PHF24: variants seen among roughly 807,000 people sequenced by gnomAD.
PHF24 encodes the protein Galpha inhibitory interacting protein.
In PHF24, 25 loss-of-function variants were observed where a neutral mutation model predicts 42.6. The observed-to-expected ratio is 0.59, with a 90% confidence interval of 0.43 to 0.82. PHF24 has a LOEUF of 0.82. PHF24 is among the 40% of genes least tolerant of loss of function. PHF24 has a pLI of 0.00. For synonymous variants in PHF24, 185 were observed against 204.8 expected, an observed-to-expected ratio of 0.90 and a Z score of 0.83; for missense variants, 470 against 538.1, an observed-to-expected ratio of 0.87 and a Z score of 1.25.
the PHF24 span, among the ~76,000 whole-genome samples, chr9:34,762,196 A>C: frequency 3.9e-5 from 6 of 151,930 alleles, no homozygotes; most frequent in Admixed American, 2.6e-4. Context: ...ATTTATAGTC[A>C]TTTGGGTATA....
At chr9:34,795,235 CCCTGTCTTTAAA>C in the PHF24 span, among the ~76,000 whole-genome samples, 201 of 151,556 alleles carry the variant, frequency 1.3e-3, no homozygotes, top group African/African-American at 4.7e-3. Context: ...CAGAGCAAGA[CCCTGTCTTTAAA>C]AGAGAGAGAG....
chr9:34,889,693 A>C, the PHF24 span: 1 of 398,244 alleles, frequency 2.5e-6, no homozygotes. Flanking sequence ...TGCAACTCTT[A>C]GCCCTAGAAA....
the PHF24 span, among the ~76,000 whole-genome samples, chr9:34,717,928 C>T: frequency 5.0e-4 from 76 of 152,258 alleles, no homozygotes; most frequent in African/African-American, 1.7e-3. Flanking sequence ...CTGAGTGGCA[C>T]GGTTGACTTT....
chr9:34,927,427 C>T, the PHF24 span, among the ~76,000 whole-genome samples: 1 of 152,054 alleles, frequency 6.6e-6, no homozygotes, highest in Non-Finnish European at 1.5e-5. Context: ...CAGCTTGGCC[C>T]ACAGGGAGTG....
At chr9:34,723,526 G>A in the PHF24 span, 23 of 1,551,778 alleles carry the variant, frequency 1.5e-5, no homozygotes, top group East Asian at 2.4e-4. Flanking sequence ...CCTTCGCAGC[G>A]GCTGAGAACA....
chr9:34,682,425 T>C, the PHF24 span, among the ~76,000 whole-genome samples: 1 of 152,206 alleles, frequency 6.6e-6, no homozygotes, highest in East Asian at 1.9e-4. Flanking sequence ...AGGCTCTGAG[T>C]TGTCTGTCTT....
the PHF24 span, chr9:34,709,452 A>G: frequency 1.2e-6 from 2 of 1,613,110 alleles, no homozygotes; most frequent in Non-Finnish European, 8.5e-7. Flanking sequence ...GAGGGGTGTG[A>G]GGGGCTGACT....
the PHF24 span, among the ~76,000 whole-genome samples, chr9:34,752,470 T>C: frequency 6.6e-6 from 1 of 152,076 alleles, no homozygotes. Context: ...ACAAACAACT[T>C]ACCAACACTG....
chr9:34,935,738 G>C, the PHF24 span, among the ~76,000 whole-genome samples: 4 of 134,438 alleles, frequency 3.0e-5, no homozygotes, highest in African/African-American at 1.1e-4. Flanking sequence ...TTGTGTGTGG[G>C]GGGGGGGTGT....
At chr9:34,747,953 T>C in the PHF24 span, among the ~76,000 whole-genome samples, 1 of 152,172 alleles carries the variant, frequency 6.6e-6, no homozygotes, top group African/African-American at 2.4e-5. Flanking sequence ...ATTCATATAA[T>C]GAAATGCTAA....
At chr9:34,911,254 T>C in the PHF24 span, among the ~76,000 whole-genome samples, 2 of 151,934 alleles carry the variant, frequency 1.3e-5, no homozygotes, top group Non-Finnish European at 2.9e-5. Flanking sequence ...TCTTTTCTTT[T>C]TCTTTTTCTT....
At chr9:34,729,293 G>C in the PHF24 span, 1 of 1,552,010 alleles carries the variant, frequency 6.4e-7, no homozygotes, top group Non-Finnish European at 8.7e-7. Flanking sequence ...CCCGGCAGCA[G>C]CTCCTTTTAG....
At chr9:34,821,969 A>T in the PHF24 span, among the ~76,000 whole-genome samples, 1 of 152,194 alleles carries the variant, frequency 6.6e-6, no homozygotes, top group Non-Finnish European at 1.5e-5. Context: ...CCTAGTGGTT[A>T]TGCTTCCTTA....
At chr9:34,715,298 G>A in the PHF24 span, among the ~76,000 whole-genome samples, 12 of 152,236 alleles carry the variant, frequency 7.9e-5, no homozygotes, top group African/African-American at 1.9e-4. Flanking sequence ...AAGAGAGTGA[G>A]GAGCTCGGAT....
At chr9:34,897,214 C>G in the PHF24 span, among the ~76,000 whole-genome samples, 3 of 152,164 alleles carry the variant, frequency 2.0e-5, no homozygotes, top group Non-Finnish European at 4.4e-5. Flanking sequence ...AGCATTAGTT[C>G]CTCCACCAGA....
At chr9:34,976,577 A>G in exon 5 of PHF24, 1 of 1,614,108 alleles carries the variant, frequency 6.2e-7, no homozygotes, top group Non-Finnish European at 8.5e-7. Flanking sequence ...TACCGCCACC[A>G]AGCAGCCAAG....
the PHF24 span, among the ~76,000 whole-genome samples, chr9:34,795,658 A>G: frequency 1.3e-5 from 2 of 152,204 alleles, no homozygotes; most frequent in East Asian, 1.9e-4. Context: ...ATATTACCCA[A>G]TGTCATGACT....
chr9:34,846,353 T>C, the PHF24 span, among the ~76,000 whole-genome samples: 2 of 151,934 alleles, frequency 1.3e-5, no homozygotes, highest in Non-Finnish European at 3.0e-5. Context: ...TGGCCAGTGA[T>C]GGTGAGCATT....
At chr9:34,822,333 G>T in the PHF24 span, among the ~76,000 whole-genome samples, 2 of 152,006 alleles carry the variant, frequency 1.3e-5, no homozygotes, top group African/African-American at 2.4e-5. Flanking sequence ...TGTTGATGAT[G>T]AATTGTTTCA....
Sources: allele counts gnomAD v4.1 joint callset (sites outside exome capture counted in the v4.1 genomes callset), GRCh38; gene constraint gnomAD v4.1.1; transcripts MANE v1.5; gene names NCBI Gene and HGNC (gene_info 2026-07-23, HGNC 2026-07-21).